The following UBE2L6 variants were observed in gnomAD, a reference collection of about 807,000 sequenced individuals.
The protein encoded by UBE2L6 is ubiquitin conjugating enzyme E2 L6.
Under a neutral mutation model 13.6 loss-of-function variants are expected in UBE2L6, and 11 were observed. The observed-to-expected ratio is 0.81, with a 90% CI of 0.51 to 1.34. UBE2L6 has a LOEUF of 1.34. UBE2L6 is among the 40% of genes most tolerant of loss of function. UBE2L6 has a pLI of 0.00. For synonymous variants in UBE2L6, 74 were observed against 83.2 expected, an observed-to-expected ratio of 0.89 and a Z score of 0.60; for missense variants, 197 against 199.5, an observed-to-expected ratio of 0.99 and a Z score of 0.07.
chr11:57,554,614 G>A lies in UBE2L6; in HGVS notation c.133C>T (p.Pro45Ser), dbSNP rs1944983901. The A allele has an allele frequency of 6.2e-7, 1 of 1,614,152 alleles. No homozygotes were observed. The highest frequency in any genetic ancestry group is 8.5e-7 in the Non-Finnish European group (1 of 1,180,022). ...AGGTTGAAGGCTTTCAGGTGGTAGG[G>A]AGGTTGGTCCTGTGCAGAGAGAAAA... ...WHALLLPDQP[P>S]YHLKAFNLRI... is the part of the protein sequence containing the mutation. Residue 45 changes from proline to serine, a missense_variant, in exon 3 of 4, where the codon CCC becomes TCC. By Grantham distance (74) the Pro-to-Ser change is moderately conservative. Coordinates refer to ENST00000287156, the MANE Select transcript of UBE2L6 (RefSeq NM_004223.5).
intron 1 of UBE2L6, among the ~76,000 whole-genome samples, chr11:57,562,714 T>A (rs1945056644): frequency 6.6e-6 from 1 of 152,208 alleles, no homozygotes; most frequent in Non-Finnish European, 1.5e-5. Context: ...CTTCCTGATG[T>A]TATCCAAAAC....
At chr11:57,566,721 C>T (rs925149116) in intron 1 of UBE2L6, among the ~76,000 whole-genome samples, 5 of 152,124 alleles carry the variant, frequency 3.3e-5, no homozygotes, top group African/African-American at 9.7e-5. Flanking sequence ...CTTCCTAGAG[C>T]CTGCCCCTCC....
chr11:57,554,403 A>T (rs371714982), intron 3 of UBE2L6, 34 bp downstream of exon 3: 2 of 1,609,084 alleles, frequency 1.2e-6, no homozygotes, highest in Non-Finnish European at 1.7e-6. Flanking sequence ...TCTACCCAGT[A>T]TCAGTCCCTC....
At chr11:57,553,074 T>A (rs1376409462) in intron 3 of UBE2L6, among the ~76,000 whole-genome samples, 1 of 152,220 alleles carries the variant, frequency 6.6e-6, no homozygotes, top group Non-Finnish European at 1.5e-5. Context: ...AGGACTTTCA[T>A]TTCCTGAGTT....
chr11:57,554,304 G>C (rs1362336545), intron 3 of UBE2L6, 133 bp downstream of exon 3: 7 of 1,054,082 alleles, frequency 6.6e-6, no homozygotes, highest in South Asian at 1.6e-5. Context: ...CTATCTCATA[G>C]TAAGTTCAGC....
chr11:57,567,326 C>G, intron 1 of UBE2L6: 1 of 585,554 alleles, frequency 1.7e-6, no homozygotes, highest in Non-Finnish European at 3.1e-6. Flanking sequence ...AAATTGAAAC[C>G]AGTTTTGGGG....
At chr11:57,566,942 T>TCCCCCCC in intron 1 of UBE2L6, 1 of 193,392 alleles carries the variant, frequency 5.2e-6, no homozygotes, top group Non-Finnish European at 1.0e-5. Context: ...TGTTCATCTC[T>TCCCCCCC]GCCCGCCCCC....
rs1341495522 is a variant in UBE2L6 at position 57,552,274 on chromosome 11, G to A, written c.*84C>T. The A allele has an allele frequency of 8.4e-6, 13 of 1,553,820 alleles. No homozygotes were observed. The Admixed American group carries it at 9.0e-5, about 11-fold the overall frequency. ...GAAGGGAAAAATGAATGGGGAATGG[G>A]CCACAGGGGGCTCTGGCCTCAGTCC... On this transcript the variant is annotated 3_prime_UTR_variant, in exon 4 of 4. Coordinates refer to ENST00000287156, the MANE Select transcript of UBE2L6 (RefSeq NM_004223.5).
intron 3 of UBE2L6, 122 bp from the exon 4 acceptor site, chr11:57,552,631 TACTCTACG>T: frequency 7.7e-7 from 1 of 1,297,354 alleles, no homozygotes; most frequent in Non-Finnish European, 1.1e-6. Flanking sequence ...CGCTTAGGAT[TACTCTACG>T]ACCAGATCAA....
intron 2 of UBE2L6, among the ~76,000 whole-genome samples, chr11:57,556,059 T>C (rs981547421): frequency 2.8e-4 from 42 of 152,186 alleles, no homozygotes; most frequent in Admixed American, 2.8e-3. Context: ...TGAACACTTT[T>C]CTGAGCACCT....
At chr11:57,561,604 G>C (rs1945047842) in intron 1 of UBE2L6, among the ~76,000 whole-genome samples, 1 of 152,184 alleles carries the variant, frequency 6.6e-6, no homozygotes, top group Admixed American at 6.5e-5. Flanking sequence ...AGAGGGCCCA[G>C]ATGGGAAACA....
chr11:57,561,240 G>T (rs2649649), intron 1 of UBE2L6, among the ~76,000 whole-genome samples: 1 of 151,858 alleles, frequency 6.6e-6, no homozygotes, highest in Non-Finnish European at 1.5e-5. Context: ...AAATGACTCC[G>T]GAAGACCATA....
intron 1 of UBE2L6, chr11:57,566,947 GCCCC>G: frequency 4.9e-5 from 5 of 101,670 alleles, no homozygotes; most frequent in Admixed American, 1.2e-4. Flanking sequence ...ATCTCTGCCC[GCCCC>G]CCCCCCCCTC....
At chr11:57,558,695 A>T (rs1028174245) in intron 2 of UBE2L6, among the ~76,000 whole-genome samples, 2 of 152,228 alleles carry the variant, frequency 1.3e-5, no homozygotes, top group African/African-American at 4.8e-5. Context: ...CATGACCAAG[A>T]TGTGACAAGT....
rs543071074 is a variant in UBE2L6 at position 57,560,220 on chromosome 11, A to G, written c.123+117T>C. On this transcript the variant is annotated intron_variant, in intron 2 of 3. Transcript: ENST00000287156. ...AGAGAAGCCCCCTCCAGCAATGATA[A>G]CCTCCAGTAAAAGGATCTCAAGCAG... is the stretch of plus-strand genomic sequence containing the variant. 3 of 779,028 alleles carry G rather than the reference A, an allele frequency of 3.9e-6. No homozygotes were observed. In the African/African-American group the frequency reaches 5.1e-5, roughly 13 times the overall value. The allele number at this position is 779,028 out of a possible 1,614,324, so 48.3% of individuals were successfully genotyped here.
chr11:57,560,759 T>C (rs898867736), intron 1 of UBE2L6, among the ~76,000 whole-genome samples: 4 of 151,992 alleles, frequency 2.6e-5, no homozygotes, highest in African/African-American at 9.7e-5. Flanking sequence ...TAGCTGGGAC[T>C]ACAGACGCCC....
intron 2 of UBE2L6, among the ~76,000 whole-genome samples, chr11:57,558,963 G>A (rs1945017467): frequency 1.3e-5 from 2 of 152,204 alleles, no homozygotes; most frequent in South Asian, 4.1e-4. Context: ...AGTTCCTGGG[G>A]CGCACTTAAC....
chr11:57,566,644 A>C (rs1173873756), intron 1 of UBE2L6, among the ~76,000 whole-genome samples: 1 of 152,170 alleles, frequency 6.6e-6, no homozygotes, highest in Non-Finnish European at 1.5e-5. Context: ...TATCTAGGCC[A>C]AGCCTGCTCT....
intron 2 of UBE2L6, among the ~76,000 whole-genome samples, chr11:57,559,334 G>A (rs189211892): frequency 1.1e-4 from 17 of 152,300 alleles, no homozygotes; most frequent in African/African-American, 3.4e-4. Flanking sequence ...AAATCCTGCC[G>A]GGTGTGGTGG....
Sources: gnomAD v4.1 joint callset for allele counts (sites outside exome capture counted in the v4.1 genomes callset) on GRCh38, gnomAD v4.1.1 for gene constraint, MANE v1.5 for transcripts, NCBI Gene and HGNC (gene_info 2026-07-23, HGNC 2026-07-21) for gene names.